The following DYM variants were observed in gnomAD, a reference collection of about 807,000 sequenced individuals.
The protein encoded by DYM is dymeclin.
DYM carries 78 observed loss-of-function variants against 93.1 expected under a neutral mutation model. The observed-to-expected ratio is 0.84, with a 90% confidence interval of 0.70 to 1.01. The LOEUF (loss-of-function observed/expected upper bound fraction) is 1.01. DYM is among the 50% of genes least tolerant of loss of function. The pLI is 0.00. For synonymous variants in DYM, 321 were observed against 319.7 expected, an observed-to-expected ratio of 1.00 and a Z score of -0.04; for missense variants, 789 against 845.0, an observed-to-expected ratio of 0.93 and a Z score of 0.82.
chr18:49,088,701 T>A (rs912440249), intron 17 of DYM, among the ~76,000 whole-genome samples: 2 of 152,194 alleles, frequency 1.3e-5, no homozygotes, highest in Non-Finnish European at 2.9e-5. Context: ...GTATTATGTA[T>A]GCTTTCAGTT....
chr18:49,129,545 A>C (rs753220777), intron 15 of DYM, among the ~76,000 whole-genome samples: 4 of 152,242 alleles, frequency 2.6e-5, no homozygotes, highest in Admixed American at 6.5e-5. Context: ...GGCAAAGAAG[A>C]AAGCAGCTAA....
chr18:49,286,099 A>G (rs951665343), intron 9 of DYM, among the ~76,000 whole-genome samples: 9 of 152,112 alleles, frequency 5.9e-5, no homozygotes, highest in Non-Finnish European at 4.4e-5. Context: ...ACTCTAGAAC[A>G]CAGACTTTAA....
intron 17 of DYM, among the ~76,000 whole-genome samples, chr18:49,065,532 T>C (rs1247896079): frequency 6.6e-6 from 1 of 152,116 alleles, no homozygotes; most frequent in Non-Finnish European, 1.5e-5. Flanking sequence ...CTGGCTAATT[T>C]TGTATTTTTA....
intron 2 of DYM, among the ~76,000 whole-genome samples, chr18:49,399,918 A>ATTTT (rs2070572888): frequency 7.8e-6 from 1 of 128,480 alleles, no homozygotes; most frequent in Non-Finnish European, 1.8e-5. Context: ...TTTAAAAGAC[A>ATTTT]TTTATTTTTA....
chr18:49,431,057 G>T (rs1047202369), intron 1 of DYM, among the ~76,000 whole-genome samples: 1 of 152,152 alleles, frequency 6.6e-6, no homozygotes, highest in African/African-American at 2.4e-5. Flanking sequence ...GTCTGAAAAT[G>T]AAGCTGTTTT....
At chr18:49,283,098 C>A (rs934531045) in intron 9 of DYM, among the ~76,000 whole-genome samples, 1 of 152,098 alleles carries the variant, frequency 6.6e-6, no homozygotes, top group African/African-American at 2.4e-5. Context: ...TCTAGCCTAG[C>A]CTAAGCTATT....
At chr18:49,266,782 T>G (rs1237409405) in intron 11 of DYM, among the ~76,000 whole-genome samples, 1 of 152,238 alleles carries the variant, frequency 6.6e-6, no homozygotes, top group African/African-American at 2.4e-5. Flanking sequence ...GACTTTAATG[T>G]ATTTTCAAAT....
At chr18:49,395,388 G>C (rs149027658) in intron 2 of DYM, among the ~76,000 whole-genome samples, 136 of 152,234 alleles carry the variant, frequency 8.9e-4, no homozygotes, top group Middle Eastern at 6.8e-3. Flanking sequence ...CCAGCACTTT[G>C]GGAGGCTGAG....
intron 14 of DYM, among the ~76,000 whole-genome samples, chr18:49,190,464 A>T (rs956154012): frequency 5.9e-5 from 9 of 152,238 alleles, no homozygotes; most frequent in African/African-American, 2.2e-4. Context: ...TCTCAATGCC[A>T]CAACCATTGC....
At chr18:49,225,070 A>G (rs1049448314) in intron 13 of DYM, among the ~76,000 whole-genome samples, 3 of 152,172 alleles carry the variant, frequency 2.0e-5, no homozygotes, top group Non-Finnish European at 2.9e-5. Context: ...CATTAGTAAC[A>G]TTAAAAATAC....
intron 14 of DYM, among the ~76,000 whole-genome samples, chr18:49,174,160 T>G (rs905080123): frequency 6.6e-6 from 1 of 152,136 alleles, no homozygotes; most frequent in African/African-American, 2.4e-5. Flanking sequence ...TGGTACTGAT[T>G]GATTATGGCA....
At chr18:49,136,086 G>T (rs186902980) in intron 15 of DYM, among the ~76,000 whole-genome samples, 1 of 152,320 alleles carries the variant, frequency 6.6e-6, no homozygotes, top group East Asian at 1.9e-4. Context: ...TTAGAGCAAG[G>T]GATCACTGAG....
chr18:49,236,487 A>AAAAAAT lies in DYM; in HGVS notation c.1460+20522_1460+20523insATTTTT, dbSNP rs59730330. Among the ~76,000 whole-genome samples the AAAAAAT allele has an allele frequency of 2.1e-4, 32 of 149,220 alleles. No individual in the cohort carries two copies. The East Asian group carries it at 3.0e-3, about 14-fold the overall frequency. ...AGAGCGAGACTCTGTCTCAAAAAAA[A>AAAAAAT]AAATAAATAAATAAATAAATAGCCA... On this transcript the variant is annotated intron_variant, in intron 13 of 17. Coordinates refer to ENST00000675505, the MANE Select transcript of DYM (RefSeq NM_001353214.3).
At chr18:49,222,771 A>G (rs933080688) in intron 13 of DYM, among the ~76,000 whole-genome samples, 3 of 152,166 alleles carry the variant, frequency 2.0e-5, no homozygotes, top group Non-Finnish European at 2.9e-5. Flanking sequence ...TCCAACTATG[A>G]TTACACAGTG....
At chr18:49,311,289 A>T (rs1389022670) in intron 8 of DYM, among the ~76,000 whole-genome samples, 1 of 147,970 alleles carries the variant, frequency 6.8e-6, no homozygotes, top group Non-Finnish European at 1.5e-5. Flanking sequence ...TTACAATCTT[A>T]TTATCAGTGA....
intron 6 of DYM, among the ~76,000 whole-genome samples, chr18:49,343,104 T>G (rs1293747441): frequency 6.6e-6 from 1 of 152,188 alleles, no homozygotes; most frequent in African/African-American, 2.4e-5. Context: ...CTGAGGATAG[T>G]TCTTATAACC....
At chr18:49,096,527 G>A (rs1443102311) in intron 17 of DYM, among the ~76,000 whole-genome samples, 1 of 152,178 alleles carries the variant, frequency 6.6e-6, no homozygotes, top group Admixed American at 6.5e-5. Context: ...TCCTGTGTTG[G>A]TAATTTAGGT....
intron 14 of DYM, among the ~76,000 whole-genome samples, chr18:49,176,663 C>T (rs1213049979): frequency 6.7e-6 from 1 of 150,290 alleles, no homozygotes; most frequent in Non-Finnish European, 1.5e-5. Context: ...GATCCTCCCA[C>T]TTCAGCCTCC....
chr18:49,380,731 C>T (rs917090179), intron 3 of DYM, among the ~76,000 whole-genome samples: 7 of 152,196 alleles, frequency 4.6e-5, no homozygotes, highest in African/African-American at 1.7e-4. Context: ...TTTTGTAGAA[C>T]CTTCCATTTG....
Sources: allele counts gnomAD v4.1 joint callset (sites outside exome capture counted in the v4.1 genomes callset), GRCh38; gene constraint gnomAD v4.1.1; transcripts MANE v1.5; gene names NCBI Gene and HGNC (gene_info 2026-07-23, HGNC 2026-07-21).